The following EGLN1 variants were observed in gnomAD, a reference collection of about 807,000 sequenced individuals.
The protein encoded by EGLN1 is egl-9 family hypoxia inducible factor 1.
A neutral mutation model predicts 38.3 loss-of-function variants in EGLN1; 17 were observed. That is an observed-to-expected ratio of 0.44 (90% CI 0.30 to 0.67). The LOEUF is 0.67. Ranked by LOEUF, EGLN1 falls within the 30% of genes least tolerant of loss-of-function variation. The pLI is 0.08. For synonymous variants in EGLN1, 283 were observed against 257.5 expected (o/e 1.10, Z -0.95); for missense variants, 477 against 603.3 (o/e 0.79, Z 2.19).
At chr1:231,391,664 A>G (rs981225568) in intron 1 of EGLN1, among the ~76,000 whole-genome samples, 5 of 152,206 alleles carry the variant, frequency 3.3e-5, no homozygotes, top group Non-Finnish European at 7.3e-5. Context: ...AGCACATGAG[A>G]CTATCTTTTT....
At chr1:231,417,144 C>T (rs1236582012) in intron 1 of EGLN1, among the ~76,000 whole-genome samples, 1 of 152,156 alleles carries the variant, frequency 6.6e-6, no homozygotes, top group Non-Finnish European at 1.5e-5. Context: ...TTCACCACAT[C>T]TCTGTTAGTG....
chr1:231,409,851 A>C (rs1354239911), intron 1 of EGLN1, among the ~76,000 whole-genome samples: 1 of 152,182 alleles, frequency 6.6e-6, no homozygotes, highest in Admixed American at 6.5e-5. Context: ...ATTAACTCCT[A>C]TCATACTGAT....
chr1:231,368,006 A>G (rs141885910), intron 3 of EGLN1, among the ~76,000 whole-genome samples: 140 of 151,852 alleles, frequency 9.2e-4, no homozygotes, highest in African/African-American at 3.2e-3. Flanking sequence ...ATAGGGTGAA[A>G]CCCCATCTCT....
intron 1 of EGLN1, among the ~76,000 whole-genome samples, chr1:231,396,198 A>ACC (rs1382798594): frequency 1.4e-5 from 2 of 141,464 alleles, no homozygotes; most frequent in African/African-American, 5.3e-5. Context: ...ACACATCCCC[A>ACC]CCCCCTTCCT....
intron 1 of EGLN1, among the ~76,000 whole-genome samples, chr1:231,386,286 T>C (rs888949810): frequency 1.9e-4 from 29 of 152,344 alleles, no homozygotes; most frequent in Admixed American, 1.7e-3. Flanking sequence ...AATTATCTCA[T>C]TTCAATTCTG....
At chr1:231,419,781 A>ATAACTT in intron 1 of EGLN1, among the ~76,000 whole-genome samples, 1 of 152,358 alleles carries the variant, frequency 6.6e-6, no homozygotes, top group South Asian at 2.1e-4. Context: ...GTTCACGTTT[A>ATAACTT]TAACTTTCTC....
intron 1 of EGLN1, among the ~76,000 whole-genome samples, chr1:231,380,117 T>G (rs1411926516): frequency 6.6e-6 from 1 of 152,030 alleles, no homozygotes; most frequent in Admixed American, 6.6e-5. Context: ...CATCTTCGCA[T>G]GGGATAGCTG....
rs2102898155 is a variant in EGLN1, at chr1:231,373,969, A to C, written c.1011+11T>G. On this transcript the variant is annotated intron_variant, in intron 2 of 4. Coordinates refer to ENST00000366641, the MANE Select transcript of EGLN1 (RefSeq NM_022051.3). The stretch of plus-strand genomic sequence containing the variant: ...GTAAGAAAAAAATAAATGCTCAATT[A>C]AGTTGCATACCTTGGCATCCCAGTC... 5 of 1,613,584 alleles carry C rather than the reference A, an allele frequency of 3.1e-6. No individual in the cohort carries two copies. Among genetic ancestry groups the C allele is most frequent in the Non-Finnish European group, 4.2e-6 (5 of 1,179,674 alleles).
At chr1:231,381,255 CACA>C (rs1361710725) in intron 1 of EGLN1, among the ~76,000 whole-genome samples, 2 of 152,070 alleles carry the variant, frequency 1.3e-5, no homozygotes, top group East Asian at 1.9e-4. Flanking sequence ...TGTCATATGA[CACA>C]ACAACAATTT....
chr1:231,416,558 A>G (rs2050792), intron 1 of EGLN1, among the ~76,000 whole-genome samples: 22,866 of 151,532 alleles, frequency 0.15, 2,111 homozygotes, highest in African/African-American at 0.25. Context: ...TTAGAGACAA[A>G]GTCTCACCAT....
chr1:231,374,037 A>G lies in EGLN1; in HGVS notation c.954T>C (p.Asn318=), dbSNP rs1687894038. 4 of 1,613,636 alleles carry G rather than the reference A, an allele frequency of 2.5e-6. No homozygotes were observed. Among genetic ancestry groups the G allele is most frequent in the East Asian group, 2.2e-5 (1 of 44,852 alleles). ...TACATGTCACACATCTTCCATCTCC[A>G]TTTGGATTATCAACATGACGTACAT... The part of the protein sequence containing the change: ...TGYVRHVDNP[N]GDGRCVTCIY... Residue 318 remains asparagine, a synonymous_variant, in exon 2 of 5, where the codon AAT becomes AAC. Transcript: ENST00000366641.
At chr1:231,369,650 G>A in intron 3 of EGLN1, 1 of 941,580 alleles carries the variant, frequency 1.1e-6, no homozygotes, top group Non-Finnish European at 1.3e-6. Context: ...GAAGAAAAAA[G>A]GCACAGCTGA....
intron 1 of EGLN1, among the ~76,000 whole-genome samples, chr1:231,391,642 C>T (rs2102916281): frequency 1.3e-5 from 2 of 152,274 alleles, no homozygotes; most frequent in South Asian, 4.1e-4. Context: ...AAATACGCAT[C>T]TTAAAAATAA....
chr1:231,391,517 T>A (rs900531380), intron 1 of EGLN1, among the ~76,000 whole-genome samples: 11 of 152,086 alleles, frequency 7.2e-5, no homozygotes, highest in African/African-American at 2.7e-4. Context: ...ATTAAAAAAA[T>A]ATAATTGGCA....
chr1:231,370,870 C>G (rs1386257646), intron 2 of EGLN1, among the ~76,000 whole-genome samples, 172 bp from the exon 3 acceptor site: 1 of 152,116 alleles, frequency 6.6e-6, no homozygotes, highest in Non-Finnish European at 1.5e-5. Context: ...GATGCAAGGA[C>G]AAATTTAGTT....
chr1:231,376,839 G>A (rs938702967), intron 1 of EGLN1, among the ~76,000 whole-genome samples: 1 of 152,182 alleles, frequency 6.6e-6, no homozygotes, highest in African/African-American at 2.4e-5. Flanking sequence ...TCTCTGAAGA[G>A]AGAGCAATGT....
chr1:231,394,881 G>A (rs1287782919), intron 1 of EGLN1, among the ~76,000 whole-genome samples: 1 of 152,140 alleles, frequency 6.6e-6, no homozygotes, highest in Non-Finnish European at 1.5e-5. Context: ...ATATAGTGAT[G>A]GAATAAATAA....
intron 1 of EGLN1, among the ~76,000 whole-genome samples, chr1:231,416,423 A>G (rs375661394): frequency 4.7e-5 from 7 of 148,586 alleles, no homozygotes; most frequent in African/African-American, 1.8e-4. Context: ...AGTTACATAC[A>G]TACAAAAAAA....
chr1:231,371,723 C>T (rs937152426), intron 2 of EGLN1, among the ~76,000 whole-genome samples: 2 of 152,110 alleles, frequency 1.3e-5, no homozygotes, highest in African/African-American at 2.4e-5. Flanking sequence ...TTTGTCCTTG[C>T]GGGGTTTACG....
Sources: gnomAD v4.1 joint callset for allele counts (sites outside exome capture counted in the v4.1 genomes callset) on GRCh38, gnomAD v4.1.1 for gene constraint, MANE v1.5 for transcripts, NCBI Gene and HGNC (gene_info 2026-07-23, HGNC 2026-07-21) for gene names.